POLDIP2: variants seen among roughly 807,000 people sequenced by gnomAD.
POLDIP2 encodes the protein DNA polymerase delta interacting protein 2, also known as polymerase delta-interacting protein 2.
In POLDIP2, 32 loss-of-function variants were observed where a neutral mutation model predicts 52.9. The observed-to-expected ratio is 0.61, with a 90% CI of 0.46 to 0.81. The LOEUF (loss-of-function observed/expected upper bound fraction) is 0.81. Ranked by LOEUF, POLDIP2 falls within the 40% of genes least tolerant of loss-of-function variation. The pLI is 0.00. For synonymous variants in POLDIP2, 183 were observed against 183.0 expected, an observed-to-expected ratio of 1.00 and a Z score of 0.00; for missense variants, 371 against 477.3, an observed-to-expected ratio of 0.78 and a Z score of 2.07.
intron 10 of POLDIP2, among the ~76,000 whole-genome samples, chr17:28,348,569 G>T (rs539337996): frequency 6.6e-6 from 1 of 152,134 alleles, no homozygotes; most frequent in Non-Finnish European, 1.5e-5. Context: ...AAAATTAGCC[G>T]GGCGTGGTGG....
intron 3 of POLDIP2, among the ~76,000 whole-genome samples, chr17:28,354,098 T>C (rs1356697575): frequency 6.6e-6 from 1 of 152,200 alleles, no homozygotes; most frequent in Non-Finnish European, 1.5e-5. Context: ...TCTTGTCTTC[T>C]TATATCCCAG....
intron 4 of POLDIP2, 113 bp from the exon 5 acceptor site, chr17:28,353,429 G>A (rs1907890940): frequency 1.5e-6 from 1 of 666,354 alleles, no homozygotes; most frequent in South Asian, 1.6e-5. Context: ...GGCTGAGGCA[G>A]GAGAATCACT....
At position 28,357,317 on chromosome 17, in the gene POLDIP2, G is replaced by C. The variant is rs868939620; in HGVS notation, c.132C>G (p.Thr44=). 16 of 1,579,988 alleles carry C rather than the reference G, an allele frequency of 1.0e-5. 1 individual carries two copies. In the Middle Eastern group the frequency reaches 1.8e-3, roughly 175 times the overall value. ...ACGAGAGGTGCCTCCGCGTCGTCGT[G>C]GTCGACGCTGGCGAGAAGGCTCCAG... is the stretch of plus-strand genomic sequence containing the variant. ...AGAGAFSPAS[T]TTTRRHLSSR... is the part of the protein sequence containing the mutation. The change falls in exon 1 of 11, where the codon ACC becomes ACG. Residue 44 remains threonine (T), a synonymous_variant. Transcript: ENST00000540200.
Position 28,350,308 on chromosome 17 carries a change from T to A in POLDIP2, c.912+130A>T, listed in dbSNP as rs1907747691. On this transcript the variant is annotated intron_variant, in intron 9 of 10. Coordinates refer to ENST00000540200, the MANE Select transcript of POLDIP2 (RefSeq NM_015584.5). ...TATCTCATGTAGTTGTTTTAAGATT[T>A]CTAACCCAAAACAACACAATGTATT... 5.2e-6 allele frequency: 4 copies of A among 763,030 alleles called. No individual in the cohort carries two copies. The South Asian group carries it at 1.0e-4, about 20-fold the overall frequency. 47.3% of individuals were successfully genotyped at this position (763,030 alleles called of 1,614,324 possible).
chr17:28,354,048 A>T (rs1907924503), intron 3 of POLDIP2, among the ~76,000 whole-genome samples: 1 of 152,134 alleles, frequency 6.6e-6, no homozygotes. Flanking sequence ...CCATGTTGAG[A>T]AAATCAAATT....
rs781958167 is a variant in POLDIP2, at chr17:28,348,220, C to T, written c.1004G>A (p.Arg335His). ...ASSGHMWGTF[R>H]FERPDGSHFD... ...GTGGGAGCCATCAGGTCTTTCAAAG[C>T]GGAACGTGCCCCTACAGTCAGAAAG... The change falls in exon 11 of 11, where the codon CGC becomes CAC. Residue 335 changes from arginine to histidine, a missense_variant. Physicochemically the swap from Arg to His is conservative, Grantham distance 29 (BLOSUM62 0). Transcript: ENST00000540200. The T allele has an allele frequency of 3.1e-6, 5 of 1,611,844 alleles. No homozygotes were observed. The highest frequency in any genetic ancestry group is 3.3e-5 in the Admixed American group (2 of 59,998).
In POLDIP2 at chr17:28,347,267, T is replaced by C. The variant is rs1907613081; in HGVS notation, c.*850A>G. 2.0e-5 allele frequency: 3 copies of C among 152,198 alleles called. No individual in the cohort carries two copies. Among genetic ancestry groups the C allele is most frequent in the Non-Finnish European group, 4.4e-5 (3 of 68,036 alleles). The allele number at this position is 152,198 out of a possible 1,614,324, so 9.4% of individuals were successfully genotyped here. On this transcript the variant is annotated 3_prime_UTR_variant, in exon 11 of 11. Coordinates refer to ENST00000540200, the MANE Select transcript of POLDIP2 (RefSeq NM_015584.5). ...GGCGGAGGAAAAGAAATCCTAAGAA[T>C]TGGGGCAAGATGCAGCACAATTCAT...
At position 28,346,908 on chromosome 17, in the gene POLDIP2, C is replaced by G. The variant is rs1305164212; in HGVS notation, c.*1209G>C. ...CCTAAAGGATGGCGCAGGTCCTGGG[C>G]AGGAAAGAATTTTTCCTTTATCACA... is the stretch of plus-strand genomic sequence containing the variant. On this transcript the variant is annotated 3_prime_UTR_variant, in exon 11 of 11. Coordinates refer to ENST00000540200, the MANE Select transcript of POLDIP2 (RefSeq NM_015584.5). The G allele has an allele frequency of 2.0e-5, 3 of 152,178 alleles. No individual in the cohort carries two copies. The highest frequency in any genetic ancestry group is 7.2e-5 in the African/African-American group (3 of 41,430). The allele number at this position is 152,178 out of a possible 1,614,324, so 9.4% of individuals were successfully genotyped here.
At chr17:28,348,365 C>G in intron 10 of POLDIP2, 134 bp from the exon 11 acceptor site, 1 of 617,358 alleles carries the variant, frequency 1.6e-6, no homozygotes. Context: ...TAGCTCATGA[C>G]AGGATGACTG....
intron 1 of POLDIP2, 67 bp from the exon 2 acceptor site, chr17:28,355,943 A>G (rs1296002970): frequency 2.3e-6 from 3 of 1,280,446 alleles, no homozygotes; most frequent in Non-Finnish European, 3.4e-6. Context: ...TCCATAAGAA[A>G]AAGCTCCTAG....
intron 6 of POLDIP2, among the ~76,000 whole-genome samples, chr17:28,352,369 C>T (rs1388296325): frequency 1.3e-5 from 2 of 151,030 alleles, no homozygotes; most frequent in Admixed American, 6.6e-5. Context: ...TCCCAAGTAG[C>T]TGAGACTACA....
At position 28,357,432 on chromosome 17, in the gene POLDIP2, G is replaced by C; in HGVS notation, c.17C>G (p.Ala6Gly). Residue 6 changes from alanine to glycine, a missense_variant, in exon 1 of 11, where the codon GCC becomes GGC. Transcript: ENST00000540200. ...GCTGCCCACGGCCAGGGCCCGCCGG[G>C]CTGTACAGGCTGCCATGTCCCGCCC... MAACT[A>G]RRALAVGSRW... 6.8e-7 allele frequency: 1 copy of C among 1,475,810 alleles called. No homozygotes were observed. The highest frequency in any genetic ancestry group is 8.9e-7 in the Non-Finnish European group (1 of 1,125,146). The allele number at this position is 1,475,810 out of a possible 1,614,324, so 91.4% of individuals were successfully genotyped here. A position where few individuals can be genotyped will look rare whatever the true frequency, so the allele number is the denominator to read the frequency against.
Position 28,351,708 on chromosome 17 carries a change from C to T in POLDIP2, c.715G>A (p.Glu239Lys), listed in dbSNP as rs1297924594. 4 of 1,613,936 alleles carry T rather than the reference C, an allele frequency of 2.5e-6. No individual in the cohort carries two copies. The highest frequency in any genetic ancestry group is 3.4e-6 in the Non-Finnish European group (4 of 1,179,824). The change falls in exon 7 of 11, where the codon GAG (glutamate) becomes AAG (lysine). Residue 239 changes from glutamate to lysine, a missense_variant. By Grantham distance (56) the Glu-to-Lys change is moderately conservative (BLOSUM62 1). Coordinates refer to ENST00000540200, the MANE Select transcript of POLDIP2 (RefSeq NM_015584.5). ...ELSDVHRETT[E>K]NIRVTVIPFY... ...GGGATGACAGTGACACGTATGTTCT[C>T]AGTTGTTTCCCGATGAACATCGGAG...
At chr17:28,350,653 T>C (rs1193833974) in intron 8 of POLDIP2, 90 bp from the exon 9 acceptor site, 1 of 1,565,904 alleles carries the variant, frequency 6.4e-7, no homozygotes, top group Non-Finnish European at 8.8e-7. Context: ...TCAACAAAGC[T>C]GACACATGCA....
Position 28,351,706 on chromosome 17 carries a change from C to T in POLDIP2, c.717G>A (p.Glu239=), listed in dbSNP as rs1555579996. Residue 239 remains glutamate, a synonymous_variant, in exon 7 of 11, where the codon GAG becomes GAA. Transcript: ENST00000540200. The part of the protein sequence containing the change: ...ELSDVHRETT[E]NIRVTVIPFY... ...AGGGGATGACAGTGACACGTATGTT[C>T]TCAGTTGTTTCCCGATGAACATCGG... is the stretch of plus-strand genomic sequence containing the variant. 1 of 1,613,940 alleles carries T rather than the reference C, an allele frequency of 6.2e-7. No homozygotes were observed. Among genetic ancestry groups the T allele is most frequent in the South Asian group, 1.1e-5 (1 of 91,078 alleles).
In POLDIP2 at chr17:28,348,118, T is replaced by C; in HGVS notation, c.1106A>G (p.Ter369TrpextTer3). 1 of 1,595,338 alleles carries C rather than the reference T, an allele frequency of 6.3e-7. No homozygotes were observed. The highest frequency in any genetic ancestry group is 8.6e-7 in the Non-Finnish European group (1 of 1,162,886). ...TGGGCACTTGGGGCCTCAGCTGGCC[T>C]ACCAGTGAAGGCCTGAGGGTGGTGT... ...EKTPPSGLHW[*>W] The change falls in exon 11 of 11, where the codon TAG becomes TGG. Residue 369 changes from the stop codon to tryptophan, a stop_lost. Transcript: ENST00000540200.
In POLDIP2 at chr17:28,347,664, G is replaced by A. The variant is rs1231486713; in HGVS notation, c.*453C>T. On this transcript the variant is annotated 3_prime_UTR_variant, in exon 11 of 11. Transcript: ENST00000540200. The stretch of plus-strand genomic sequence containing the variant: ...GATGTCCAGCCAGCCTCCAGGCTGA[G>A]AGGGAAACAGGCACATGCCCTACCA... 1 of 159,032 alleles carries A rather than the reference G, an allele frequency of 6.3e-6. No individual in the cohort carries two copies. The highest frequency in any genetic ancestry group is 1.4e-5 in the Non-Finnish European group (1 of 72,354). The allele number at this position is 159,032 out of a possible 1,614,324, so 9.9% of individuals were successfully genotyped here. A position where few individuals can be genotyped will look rare whatever the true frequency, so the allele number is the denominator to read the frequency against.
Position 28,353,361 on chromosome 17 carries a change from A to C in POLDIP2, c.439-45T>G, listed in dbSNP as rs781932625. On this transcript the variant is annotated intron_variant, in intron 4 of 10. Coordinates refer to ENST00000540200, the MANE Select transcript of POLDIP2 (RefSeq NM_015584.5). ...AGTGGTGAAACCATGTCTCTGCTAA[A>C]AAGTACAAAAATTAGGCTGGTGTGG... The C allele has an allele frequency of 1.1e-5, 12 of 1,080,970 alleles. No homozygotes were observed. The Admixed American group carries it at 1.5e-4, about 14-fold the overall frequency. The allele number at this position is 1,080,970 out of a possible 1,614,324, so 67.0% of individuals were successfully genotyped here.
intron 4 of POLDIP2, 100 bp from the exon 5 acceptor site, chr17:28,353,416 G>GGT (rs1433270530): frequency 5.8e-6 from 4 of 695,068 alleles, no homozygotes; most frequent in Non-Finnish European, 7.8e-6. Context: ...CAGCTACTCG[G>GGT]GTGGCTGAGG....
Sources: gnomAD v4.1 joint callset for allele counts (sites outside exome capture counted in the v4.1 genomes callset) on GRCh38, gnomAD v4.1.1 for gene constraint, MANE v1.5 for transcripts, NCBI Gene and HGNC (gene_info 2026-07-23, HGNC 2026-07-21) for gene names.